CA5B: variants seen among roughly 807,000 people sequenced by gnomAD.
CA5B encodes the protein carbonic anhydrase 5B, mitochondrial.
A neutral mutation model predicts 23.1 loss-of-function variants in CA5B; 15 were observed. The observed-to-expected ratio is 0.65, with a 90% CI of 0.43 to 1.00. The LOEUF (loss-of-function observed/expected upper bound fraction) is 1.00, where lower values mean the gene tolerates loss of function less well. CA5B is among the 50% of genes least tolerant of loss of function. The probability of loss-of-function intolerance (pLI) is 0.00; values close to 1 mark genes in which losing one functional copy is unlikely to be tolerated. For missense variants in CA5B, 236 were observed against 252.2 expected (o/e 0.94, Z 0.43); for synonymous variants, 84 against 98.5 (o/e 0.85, Z 0.87).
intron 2 of CA5B, among the ~76,000 whole-genome samples, chrX:15,761,722 G>A (rs749699551): frequency 1.8e-5 from 2 of 109,890 alleles, no homozygotes; most frequent in African/African-American, 3.3e-5. Context: ...TTGTCTTGTC[G>A]GGGGGAGCCC....
intron 2 of CA5B, among the ~76,000 whole-genome samples, chrX:15,753,536 A>C (rs1209045130): frequency 8.9e-6 from 1 of 112,562 alleles, no homozygotes; most frequent in African/African-American, 3.2e-5. Context: ...GGAAAGGGAC[A>C]GGGGCTCTCT....
At chrX:15,780,297 C>T (rs1250935622) in intron 7 of CA5B, among the ~76,000 whole-genome samples, 14 of 103,380 alleles carry the variant, frequency 1.4e-4, no homozygotes, top group African/African-American at 4.9e-4. Flanking sequence ...TTTTTTAAGA[C>T]GGTCTCTAGC....
At position 15,785,281 on chromosome X, in the gene CA5B, A is replaced by G. The variant is rs1359393901; in HGVS notation, c.*2617A>G. 8.9e-6 allele frequency: 1 copy of G among 112,608 alleles called. No individual in the cohort carries two copies. The highest frequency in any genetic ancestry group is 3.2e-5 in the African/African-American group (1 of 31,005). 9.3% of individuals were successfully genotyped at this position (112,608 alleles called of 1,213,427 possible). On this transcript the variant is annotated 3_prime_UTR_variant, in exon 8 of 8. Coordinates refer to ENST00000318636, the MANE Select transcript of CA5B (RefSeq NM_007220.4). Reference sequence around the variant, plus strand: ...CTGGAAGCATCCCAAATGTCCATCAACAGATGAATAGATAAAGGAAATGTG... The same window carrying G: ...CTGGAAGCATCCCAAATGTCCATCAGCAGATGAATAGATAAAGGAAATGTG...
intron 2 of CA5B, among the ~76,000 whole-genome samples, chrX:15,759,689 C>T (rs1398310461): frequency 9.7e-6 from 1 of 103,228 alleles, no homozygotes; most frequent in Non-Finnish European, 2.0e-5. Flanking sequence ...AACATGGAAT[C>T]CTTTGCAGGG....
rs1475356662 is a variant in CA5B at position 15,762,722 on chromosome X, T to C, written c.143-1856T>C. The C allele has an allele frequency of 1.2e-5, 4 of 328,444 alleles. No homozygotes were observed. The East Asian group carries it at 3.9e-4, about 32-fold the overall frequency. 27.1% of individuals were successfully genotyped at this position (328,444 alleles called of 1,213,427 possible). A position where few individuals can be genotyped will look rare whatever the true frequency, so the allele number is the denominator to read the frequency against. ...GCCCAGCCAGTGTCATCCTTATTCT[T>C]AGTGGTGGGGCGAGATGCAGAGGGT... On this transcript the variant is annotated intron_variant, in intron 2 of 7. Transcript: ENST00000318636.
At chrX:15,752,682 G>C (rs773361969) in intron 2 of CA5B, among the ~76,000 whole-genome samples, 2 of 108,900 alleles carry the variant, frequency 1.8e-5, no homozygotes. Context: ...CCGAGATCGC[G>C]CCACTGCACT....
chrX:15,740,944 C>T (rs1931107265), intron 1 of CA5B, among the ~76,000 whole-genome samples: 1 of 111,362 alleles, frequency 9.0e-6, no homozygotes, highest in Admixed American at 9.4e-5. Context: ...CGCCTGTGGT[C>T]CCAGCTACTT....
At chrX:15,780,866 G>A (rs371741073) in intron 7 of CA5B, among the ~76,000 whole-genome samples, 8 of 112,217 alleles carry the variant, frequency 7.1e-5, no homozygotes, top group Admixed American at 2.8e-4. Context: ...ATGACTCTTC[G>A]CTTGCTTGTC....
intron 3 of CA5B, among the ~76,000 whole-genome samples, chrX:15,769,903 G>A (rs1210796129): frequency 8.9e-6 from 1 of 112,079 alleles, no homozygotes; most frequent in Non-Finnish European, 1.9e-5. Context: ...AAAAACAAAA[G>A]GAGGGAGTGA....
intron 3 of CA5B, among the ~76,000 whole-genome samples, chrX:15,769,940 A>C (rs1931786619): frequency 8.9e-6 from 1 of 112,289 alleles, no homozygotes; most frequent in Admixed American, 9.5e-5. Context: ...ACTACCAGCC[A>C]GACTCTCTGC....
At chrX:15,741,717 C>A (rs955630646) in intron 1 of CA5B, among the ~76,000 whole-genome samples, 2 of 110,960 alleles carry the variant, frequency 1.8e-5, no homozygotes, top group Admixed American at 9.6e-5. Context: ...ACCTCTTGAT[C>A]CACCCGCCTC....
chrX:15,765,998 A>T (rs1269402950), intron 3 of CA5B, among the ~76,000 whole-genome samples: 2 of 108,539 alleles, frequency 1.8e-5, no homozygotes, highest in Admixed American at 2.0e-4. Flanking sequence ...CTTTACTAAA[A>T]TACAAAGCAT....
intron 2 of CA5B, among the ~76,000 whole-genome samples, chrX:15,753,393 G>A (rs932702594): frequency 1.8e-5 from 2 of 111,988 alleles, no homozygotes; most frequent in African/African-American, 6.5e-5. Flanking sequence ...TAAGATAAGG[G>A]GGATTGTAGA....
At chrX:15,779,093 A>G (rs1234562742) in intron 7 of CA5B, among the ~76,000 whole-genome samples, 1 of 111,836 alleles carries the variant, frequency 8.9e-6, no homozygotes, top group Non-Finnish European at 1.9e-5. Context: ...GAGACTAAGA[A>G]GTCTTACAAT....
chrX:15,742,376 G>GTT (rs11443494), intron 1 of CA5B, among the ~76,000 whole-genome samples: 3 of 110,130 alleles, frequency 2.7e-5, no homozygotes, highest in East Asian at 2.9e-4. Context: ...GTTTTTTTGG[G>GTT]TTTTTTTTGA....
At chrX:15,742,083 CT>C (rs1167632113) in intron 1 of CA5B, among the ~76,000 whole-genome samples, 1 of 112,251 alleles carries the variant, frequency 8.9e-6, no homozygotes, top group Non-Finnish European at 1.9e-5. Flanking sequence ...ACTGTCTCCC[CT>C]ATCTCAGTTT....
At chrX:15,764,875 G>A (rs1403784166) in intron 3 of CA5B, 100 bp downstream of exon 3, 6 of 1,034,727 alleles carry the variant, frequency 5.8e-6, no homozygotes, top group Non-Finnish European at 7.8e-6. Flanking sequence ...TGACCTCTTT[G>A]TGAGCAATGG....
intron 3 of CA5B, among the ~76,000 whole-genome samples, chrX:15,768,062 C>T (rs1469600285): frequency 9.3e-6 from 1 of 108,013 alleles, no homozygotes; most frequent in Non-Finnish European, 1.9e-5. Context: ...TCACACCTGG[C>T]TAATTTTTGT....
intron 7 of CA5B, among the ~76,000 whole-genome samples, chrX:15,780,083 A>G (rs990791184): frequency 4.5e-5 from 5 of 111,518 alleles, no homozygotes; most frequent in Non-Finnish European, 9.4e-5. Flanking sequence ...CCTGTCATCT[A>G]TAATATTATC....
Sources: allele counts gnomAD v4.1 joint callset (sites outside exome capture counted in the v4.1 genomes callset), GRCh38; gene constraint gnomAD v4.1.1; transcripts MANE v1.5; gene names NCBI Gene and HGNC (gene_info 2026-07-23, HGNC 2026-07-21).